TMED3: variants seen among roughly 807,000 people sequenced by gnomAD.
The protein encoded by TMED3 is transmembrane emp24 domain-containing protein 3.
A neutral mutation model predicts 15.0 loss-of-function variants in TMED3; 9 were observed. The observed-to-expected ratio is 0.60, with a 90% CI of 0.36 to 1.04. TMED3 has a LOEUF of 1.04. TMED3 is among the 50% of genes least tolerant of loss of function. The probability of loss-of-function intolerance (pLI) is 0.01; values close to 1 mark genes in which losing one functional copy is unlikely to be tolerated. For missense variants in TMED3, 267 were observed against 278.9 expected (o/e 0.96, Z 0.30); for synonymous variants, 117 against 121.4 (o/e 0.96, Z 0.24).
intron 2 of TMED3, among the ~76,000 whole-genome samples, chr15:79,392,397 A>T (rs1893708244): frequency 6.6e-6 from 1 of 152,122 alleles, no homozygotes; most frequent in Non-Finnish European, 1.5e-5. Context: ...TTCTTGGCAG[A>T]TAATTTTTTT....
intron 2 of TMED3, among the ~76,000 whole-genome samples, chr15:79,354,342 T>C (rs1026461546): frequency 6.6e-6 from 1 of 152,122 alleles, no homozygotes; most frequent in Non-Finnish European, 1.5e-5. Context: ...ACCAACAGTT[T>C]CCTTAAGTAC....
rs561540253 is a variant in TMED3, at chr15:79,380,211, C to T, written c.418-31189C>T. Reference sequence around the variant, plus strand: ...ACTAAAAATACAAAAATTAGCTGGGCGTGGTGACACACACCTGTAATCCCA... The same window carrying T: ...ACTAAAAATACAAAAATTAGCTGGGTGTGGTGACACACACCTGTAATCCCA... On this transcript the variant is annotated intron_variant, in intron 2 of 2. Coordinates refer to the TMED3 transcript ENST00000424155. 3.3e-5 allele frequency among the ~76,000 whole-genome samples: 5 copies of T among 151,708 alleles called. No individual in the cohort carries two copies. The South Asian group carries it at 6.2e-4, about 19-fold the overall frequency.
chr15:79,357,934 T>C (rs544676184), intron 2 of TMED3, among the ~76,000 whole-genome samples: 21 of 152,332 alleles, frequency 1.4e-4, no homozygotes, highest in African/African-American at 3.6e-4. Context: ...AAGTCTCCAA[T>C]TGCTCTGTTT....
exon 3 of TMED3, chr15:79,411,480 A>T (rs1893978383): frequency 1.4e-6 from 1 of 702,318 alleles, no homozygotes; most frequent in African/African-American, 1.7e-5. Flanking sequence ...CCACCGAGGG[A>T]CTGGGACGAC....
chr15:79,323,037 T>A (rs2058774726), downstream of TMED3, among the ~76,000 whole-genome samples: 1 of 152,212 alleles, frequency 6.6e-6, no homozygotes, highest in Non-Finnish European at 1.5e-5. Context: ...TCTCCTCGCA[T>A]GCTCACACCA....
chr15:79,411,453 G>T (rs1351591164), exon 3 of TMED3: 3 of 702,562 alleles, frequency 4.3e-6, no homozygotes, highest in South Asian at 1.5e-5. Context: ...ACTATATGCA[G>T]CCAGGCGGAA....
chr15:79,335,401 A>G (rs1341230108), intron 2 of TMED3, among the ~76,000 whole-genome samples: 1 of 152,222 alleles, frequency 6.6e-6, no homozygotes, highest in Non-Finnish European at 1.5e-5. Context: ...CTATTTCTTG[A>G]CATTTACTGG....
At chr15:79,399,120 A>G (rs1436368209) in intron 2 of TMED3, among the ~76,000 whole-genome samples, 1 of 152,192 alleles carries the variant, frequency 6.6e-6, no homozygotes, top group African/African-American at 2.4e-5. Context: ...CATGTTGGCC[A>G]GGCTGGTCTC....
chr15:79,361,903 T>C lies in TMED3; in HGVS notation c.417+47898T>C, dbSNP rs890905575. 2.6e-5 allele frequency among the ~76,000 whole-genome samples: 4 copies of C among 152,052 alleles called. No homozygotes were observed. The East Asian group carries it at 5.8e-4, about 22-fold the overall frequency. ...AATTATTTTCCTTTTTTAAAAAAAG[T>C]ATTAATCACTTGAACAGTAAAATAA... On this transcript the variant is annotated intron_variant, in intron 2 of 2. Coordinates refer to the TMED3 transcript ENST00000424155.
At chr15:79,387,434 G>A (rs146463118) in intron 2 of TMED3, among the ~76,000 whole-genome samples, 1 of 152,214 alleles carries the variant, frequency 6.6e-6, no homozygotes, top group Admixed American at 6.5e-5. Flanking sequence ...AAATACTACA[G>A]TGACGTGATA....
chr15:79,359,801 C>T (rs542248132), intron 2 of TMED3, among the ~76,000 whole-genome samples: 1 of 152,128 alleles, frequency 6.6e-6, no homozygotes, highest in East Asian at 1.9e-4. Context: ...CAAGTAAAGC[C>T]CTTATTATTA....
chr15:79,353,120 T>G, intron 2 of TMED3, among the ~76,000 whole-genome samples: 1 of 77,448 alleles, frequency 1.3e-5, no homozygotes, highest in African/African-American at 6.0e-5. Context: ...AATATATATA[T>G]AATATATATA....
At chr15:79,348,834 G>A (rs1168063614) in intron 2 of TMED3, among the ~76,000 whole-genome samples, 3 of 152,124 alleles carry the variant, frequency 2.0e-5, no homozygotes, top group South Asian at 4.1e-4. Context: ...TGTGACTTGT[G>A]TTTTTGTTTT....
intron 2 of TMED3, among the ~76,000 whole-genome samples, chr15:79,333,965 A>G (rs1356548540): frequency 1.3e-5 from 2 of 152,192 alleles, no homozygotes; most frequent in Non-Finnish European, 2.9e-5. Flanking sequence ...CCTCCTAAGC[A>G]TTTGTGGTTT....
At chr15:79,404,441 C>T (rs1419893220) in intron 2 of TMED3, among the ~76,000 whole-genome samples, 1 of 152,232 alleles carries the variant, frequency 6.6e-6, no homozygotes, top group Non-Finnish European at 1.5e-5. Flanking sequence ...TGTAGCCTCT[C>T]CATTCATGGG....
At chr15:79,377,270 A>ATGTGTGTGTGTGTG (rs56891639) in intron 2 of TMED3, among the ~76,000 whole-genome samples, 22 of 145,582 alleles carry the variant, frequency 1.5e-4, no homozygotes, top group African/African-American at 5.4e-4. Context: ...GAGTGTGTGC[A>ATGTGTGTGTGTGTG]TGTGTGTGTG....
At chr15:79,346,095 G>T (rs1431212537) in intron 2 of TMED3, among the ~76,000 whole-genome samples, 1 of 152,146 alleles carries the variant, frequency 6.6e-6, no homozygotes. Flanking sequence ...CTCCCATTCT[G>T]TAGGTTGGCT....
At chr15:79,331,994 T>C (rs1305749519) in intron 2 of TMED3, among the ~76,000 whole-genome samples, 3 of 152,138 alleles carry the variant, frequency 2.0e-5, no homozygotes, top group African/African-American at 7.2e-5. Flanking sequence ...CGGAGGCTGC[T>C]GTGTGCTATG....
At position 79,413,178 on chromosome 15, in the gene TMED3, A is replaced by T. The variant is rs540085165; in HGVS notation, c.*1674A>T. On this transcript the variant is annotated 3_prime_UTR_variant, in exon 3 of 3. Transcript: ENST00000424155. Reference sequence around the variant, plus strand: ...AAACTAGAGTACCTTCTTTCTCCAAATGACCACACTAGCTCTCCAGCCAGG... The same window carrying T: ...AAACTAGAGTACCTTCTTTCTCCAATTGACCACACTAGCTCTCCAGCCAGG... 3.9e-5 allele frequency: 6 copies of T among 152,358 alleles called. No individual in the cohort carries two copies. The South Asian group carries it at 1.2e-3, about 32-fold the overall frequency. 9.4% of individuals were successfully genotyped at this position (152,358 alleles called of 1,614,324 possible).
Sources: allele counts gnomAD v4.1 joint callset (sites outside exome capture counted in the v4.1 genomes callset), GRCh38; gene constraint gnomAD v4.1.1; transcripts MANE v1.5; gene names NCBI Gene and HGNC (gene_info 2026-07-23, HGNC 2026-07-21).